The following UGT2A3 variants were observed in gnomAD, a reference collection of about 807,000 sequenced individuals.
UGT2A3 encodes the protein UDP glucuronosyltransferase family 2 member A3, also known as UDP-glucuronosyltransferase 2A3.
UGT2A3 carries 55 observed loss-of-function variants against 44.1 expected under a neutral mutation model. The ratio of observed to expected loss-of-function variants is 1.25; its 90% CI spans 1.00 to 1.56. UGT2A3 has a LOEUF of 1.56. UGT2A3 is among the 40% of genes most tolerant of loss of function. UGT2A3 has a pLI of 0.00. For synonymous variants in UGT2A3, 243 were observed against 215.1 expected (o/e 1.13, Z -1.13); for missense variants, 733 against 621.6 (o/e 1.18, Z -1.91).
chr4:68,933,919 C>G (rs1238770803), intron 2 of UGT2A3, among the ~76,000 whole-genome samples: 3 of 152,072 alleles, frequency 2.0e-5, no homozygotes, highest in East Asian at 1.9e-4. Context: ...CAGAAAGAAT[C>G]CTCAGGGCAG....
intron 4 of UGT2A3, among the ~76,000 whole-genome samples, 158 bp from the exon 5 acceptor site, chr4:68,930,923 C>T (rs1224789423): frequency 6.6e-6 from 1 of 152,102 alleles, no homozygotes; most frequent in Non-Finnish European, 1.5e-5. Flanking sequence ...AAGATCATTT[C>T]TATCTCCAGA....
intron 1 of UGT2A3, among the ~76,000 whole-genome samples, chr4:68,949,681 T>C (rs1718509314): frequency 6.6e-6 from 1 of 151,914 alleles, no homozygotes; most frequent in Admixed American, 6.6e-5. Context: ...AAGCAATGTA[T>C]AATAAAATGA....
In UGT2A3 at chr4:68,951,044, A is replaced by G; in HGVS notation, c.715+2T>C. 3.2e-6 allele frequency: 5 copies of G among 1,543,622 alleles called. No homozygotes were observed. Among genetic ancestry groups the G allele is most frequent in the Non-Finnish European group, 4.4e-6 (5 of 1,147,554 alleles). On this transcript the variant is annotated splice_donor_variant, in intron 1 of 5. Transcript: ENST00000251566. LOFTEE classifies it high-confidence loss of function. The stretch of plus-strand genomic sequence containing the variant: ...ATTAAAAATAAAACAAAAGTGTCTT[A>G]CCTAATGCCTTACTATAAAACTCTT...
chr4:68,930,899 G>A, intron 4 of UGT2A3, 134 bp from the exon 5 acceptor site: 2 of 805,406 alleles, frequency 2.5e-6, no homozygotes, highest in Non-Finnish European at 3.8e-6. Context: ...TGAGCACATG[G>A]AGCATTGCTA....
Position 68,933,862 on chromosome 4 carries a change from T to C in UGT2A3, c.865-1103A>G, listed in dbSNP as rs1717835808. Among the ~76,000 whole-genome samples, 3 of 152,010 alleles carry C rather than the reference T, an allele frequency of 2.0e-5. No homozygotes were observed. In the South Asian group the frequency reaches 6.2e-4, roughly 31 times the overall value. On this transcript the variant is annotated intron_variant, in intron 2 of 5. Transcript: ENST00000251566. ...CAACAGCATGGAAGAGATTTAGCTC[T>C]ACTGCACTATTTAGGTTCTGCTATT...
intron 2 of UGT2A3, among the ~76,000 whole-genome samples, chr4:68,938,911 G>A (rs1271026590): frequency 1.3e-5 from 2 of 151,692 alleles, no homozygotes; most frequent in African/African-American, 4.8e-5. Context: ...AACAATAACA[G>A]ACAAACAGCC....
chr4:68,931,378 T>G, intron 3 of UGT2A3, 136 bp from the exon 4 acceptor site: 1 of 576,820 alleles, frequency 1.7e-6, no homozygotes, highest in Non-Finnish European at 2.9e-6. Flanking sequence ...AGCTACCGCG[T>G]AAAGACTGAA....
chr4:68,949,272 A>G (rs887042911), intron 1 of UGT2A3, among the ~76,000 whole-genome samples: 4 of 151,856 alleles, frequency 2.6e-5, no homozygotes, highest in Admixed American at 2.0e-4. Context: ...AAATTGAGAG[A>G]CCTGCTACTT....
intron 2 of UGT2A3, 30 bp from the exon 3 acceptor site, chr4:68,932,789 A>G: frequency 6.3e-7 from 1 of 1,583,302 alleles, no homozygotes; most frequent in Non-Finnish European, 8.6e-7. Context: ...TGCATTACAG[A>G]GGCATAATAT....
At position 68,929,682 on chromosome 4, in the gene UGT2A3, G is replaced by C. The variant is rs528029790; in HGVS notation, c.*131C>G. 2.0e-5 allele frequency: 17 copies of C among 841,560 alleles called. No homozygotes were observed. Among genetic ancestry groups the C allele is most frequent in the Non-Finnish European group, 3.1e-5 (17 of 546,008 alleles). The allele number at this position is 841,560 out of a possible 1,614,324, so 52.1% of individuals were successfully genotyped here. A position where few individuals can be genotyped will look rare whatever the true frequency, so the allele number is the denominator to read the frequency against. ...ATATACTCACAACCTCATGATCGTGGAATTCTAGGCTATATAGCTAAGATA... is the reference window on the plus strand; with the variant it reads ...ATATACTCACAACCTCATGATCGTGCAATTCTAGGCTATATAGCTAAGATA... On this transcript the variant is annotated 3_prime_UTR_variant, in exon 6 of 6. Coordinates refer to ENST00000251566, the MANE Select transcript of UGT2A3 (RefSeq NM_024743.4).
rs1718599118 is a variant in UGT2A3, at chr4:68,951,657, T to C, written c.104A>G (p.His35Arg). Reference sequence around the variant, plus strand: ...TAGAATGACCTTGACATTAAGCCAATGGCTCATGTCACAGGGCCACACCAG... The same window carrying C: ...TAGAATGACCTTGACATTAAGCCAACGGCTCATGTCACAGGGCCACACCAG... ...KVLVWPCDMS[H>R]WLNVKVILEE... Residue 35 changes from histidine (H) to arginine (R), a missense_variant, in exon 1 of 6, where the codon CAT (histidine) becomes CGT (arginine). By Grantham distance (29) the His-to-Arg change is conservative. Coordinates refer to ENST00000251566, the MANE Select transcript of UGT2A3 (RefSeq NM_024743.4). 1 of 1,612,346 alleles carries C rather than the reference T, an allele frequency of 6.2e-7. No individual in the cohort carries two copies. Among genetic ancestry groups the C allele is most frequent in the Non-Finnish European group, 8.5e-7 (1 of 1,179,354 alleles).
intron 2 of UGT2A3, among the ~76,000 whole-genome samples, chr4:68,944,486 C>G (rs1168621945): frequency 6.6e-6 from 1 of 151,804 alleles, no homozygotes; most frequent in Non-Finnish European, 1.5e-5. Context: ...CTCACTTTTA[C>G]TTCTCAATAT....
Position 68,945,398 on chromosome 4 carries a change from T to A in UGT2A3, c.772A>T (p.Thr258Ser). Reference sequence around the variant, plus strand: ...TGAGGAAATTCAAAATCCCAATATGTTCGTATTAGCCATATCTCAGCTTTT... The same window carrying A: ...TGAGGAAATTCAAAATCCCAATATGATCGTATTAGCCATATCTCAGCTTTT... ...VGKAEIWLIR[T>S]YWDFEFPQPY... The change falls in exon 2 of 6, where the codon ACA becomes TCA. Residue 258 changes from threonine (T) to serine (S), a missense_variant. Thr to Ser is a moderately conservative substitution (Grantham distance 58). Transcript: ENST00000251566. 1 of 1,611,360 alleles carries A rather than the reference T, an allele frequency of 6.2e-7. No individual in the cohort carries two copies.
At chr4:68,941,633 T>C (rs1471679725) in intron 2 of UGT2A3, among the ~76,000 whole-genome samples, 1 of 151,840 alleles carries the variant, frequency 6.6e-6, no homozygotes, top group African/African-American at 2.4e-5. Context: ...GAAAAGTAGA[T>C]AAACGGGTTA....
At chr4:68,946,696 G>T (rs73823968) in intron 1 of UGT2A3, among the ~76,000 whole-genome samples, 10,876 of 151,626 alleles carry the variant, frequency 0.072, 1,098 homozygotes, top group African/African-American at 0.23. Flanking sequence ...AATTAAATTT[G>T]CTTTTTATAC....
In UGT2A3 at chr4:68,935,276, GTATATATATATATATATA is replaced by G. The variant is rs57286694; in HGVS notation, c.865-2535_865-2518del. 1.9e-3 allele frequency among the ~76,000 whole-genome samples: 114 copies of G among 60,134 alleles called. 2 individuals are homozygous for G. Among genetic ancestry groups the G allele is most frequent in the Admixed American group, 3.2e-3 (15 of 4,642 alleles). The allele number at this position is 60,134 out of a possible 152,430, so 39.5% of individuals were successfully genotyped here. On this transcript the variant is annotated intron_variant, in intron 2 of 5. Transcript: ENST00000251566. ...AGGAGGTGTGTATGTATGTATGTAT[GTATATATATATATATATA>G]TATATATATATATATATATATATGC...
intron 2 of UGT2A3, among the ~76,000 whole-genome samples, chr4:68,942,722 T>C (rs571698238): frequency 6.6e-6 from 1 of 151,432 alleles, no homozygotes; most frequent in South Asian, 2.1e-4. Flanking sequence ...ATAATATAAT[T>C]AGAGAGTAGA....
chr4:68,930,554 G>T lies in UGT2A3; in HGVS notation c.1296C>A (p.Thr432=). ...CAAGCAGTAGTACTTACGAGGAATC[G>T]GTAATGACTGTTCTCAAAGCCCTCA... is the stretch of plus-strand genomic sequence containing the variant. ...DLLRALRTVI[T]DSSYKENAMR... is the part of the protein sequence containing the mutation. Residue 432 remains threonine, a synonymous_variant, in exon 5 of 6, where the codon ACC becomes ACA. Transcript: ENST00000251566. 1 of 1,608,814 alleles carries T rather than the reference G, an allele frequency of 6.2e-7. No individual in the cohort carries two copies. The highest frequency in any genetic ancestry group is 1.1e-5 in the South Asian group (1 of 90,352).
chr4:68,945,511 C>A, intron 1 of UGT2A3, 57 bp from the exon 2 acceptor site: 3 of 1,453,098 alleles, frequency 2.1e-6, no homozygotes, highest in Non-Finnish European at 2.8e-6. Flanking sequence ...AAAATTGTAT[C>A]ACTAATTTTT....
Sources: allele counts gnomAD v4.1 joint callset (sites outside exome capture counted in the v4.1 genomes callset), GRCh38; gene constraint gnomAD v4.1.1; transcripts MANE v1.5; gene names NCBI Gene and HGNC (gene_info 2026-07-23, HGNC 2026-07-21).